VPS53: variants seen among roughly 807,000 people sequenced by gnomAD.
The protein encoded by VPS53 is vacuolar protein sorting-associated protein 53 homolog.
Under a neutral mutation model 107.0 loss-of-function variants are expected in VPS53, and 70 were observed. The ratio of observed to expected loss-of-function variants is 0.65; its 90% CI spans 0.54 to 0.80. VPS53 has a LOEUF of 0.80. Among genes scored for constraint, VPS53 ranks in the 30% least tolerant of loss-of-function variants. The pLI is 0.00. For missense variants in VPS53, 917 were observed against 1,049.4 expected (o/e 0.87, Z 1.74); for synonymous variants, 409 against 393.3 (o/e 1.04, Z -0.47).
intron 4 of VPS53, among the ~76,000 whole-genome samples, chr17:673,347 A>G (rs1017758195): frequency 2.0e-5 from 3 of 152,168 alleles, no homozygotes; most frequent in Non-Finnish European, 4.4e-5. Flanking sequence ...AGCTGTTGCT[A>G]TGGAAACGAG....
At chr17:576,658 T>C (rs1446748836) in intron 13 of VPS53, among the ~76,000 whole-genome samples, 1 of 150,938 alleles carries the variant, frequency 6.6e-6, no homozygotes, top group Non-Finnish European at 1.5e-5. Flanking sequence ...TCTAATGCGT[T>C]CCCAGAAAAA....
intron 10 of VPS53, among the ~76,000 whole-genome samples, chr17:625,177 T>C (rs904514264): frequency 1.3e-5 from 2 of 151,838 alleles, no homozygotes; most frequent in Admixed American, 6.6e-5. Context: ...TTTGTAGAGA[T>C]GGGGTTTTGC....
intron 11 of VPS53, among the ~76,000 whole-genome samples, chr17:619,394 C>T (rs1453708321): frequency 2.8e-5 from 4 of 143,980 alleles, no homozygotes; most frequent in African/African-American, 1.0e-4. Context: ...GCTAATATTT[C>T]CCGGGTAGCT....
intron 2 of VPS53, among the ~76,000 whole-genome samples, chr17:704,201 C>T (rs575369457): frequency 3.9e-5 from 6 of 152,122 alleles, no homozygotes; most frequent in African/African-American, 4.8e-5. Context: ...TAGACCACTG[C>T]GACCAAACCT....
intron 12 of VPS53, among the ~76,000 whole-genome samples, chr17:600,698 G>A (rs1490050862): frequency 1.3e-5 from 2 of 152,212 alleles, no homozygotes; most frequent in African/African-American, 4.8e-5. Context: ...TCTAGTTTCT[G>A]ACATTGAGAC....
chr17:638,511 G>A (rs1970289461), intron 7 of VPS53, among the ~76,000 whole-genome samples: 1 of 152,162 alleles, frequency 6.6e-6, no homozygotes, highest in African/African-American at 2.4e-5. Flanking sequence ...TTCCTAGCAT[G>A]GATGGTCTTT....
At chr17:667,494 T>TG (rs372374469) in intron 4 of VPS53, among the ~76,000 whole-genome samples, 20 of 100,686 alleles carry the variant, frequency 2.0e-4, no homozygotes, top group Non-Finnish European at 2.8e-4. Context: ...CATAATGTTC[T>TG]GGGGGGGGCA....
At chr17:647,590 C>T (rs1970761011) in intron 7 of VPS53, among the ~76,000 whole-genome samples, 2 of 152,144 alleles carry the variant, frequency 1.3e-5, no homozygotes, top group South Asian at 2.1e-4. Flanking sequence ...TTTCTTGCAG[C>T]TCATAAAGTC....
At chr17:567,953 C>A (rs1051563383) in intron 13 of VPS53, among the ~76,000 whole-genome samples, 1 of 151,924 alleles carries the variant, frequency 6.6e-6, no homozygotes, top group African/African-American at 2.4e-5. Flanking sequence ...CGAAATACTG[C>A]TGGGAGTTCC....
intron 2 of VPS53, among the ~76,000 whole-genome samples, chr17:707,938 A>G (rs1973482000): frequency 6.6e-6 from 1 of 151,934 alleles, no homozygotes; most frequent in Non-Finnish European, 1.5e-5. Context: ...TAGAGGACAG[A>G]GATCCTCCAG....
intron 4 of VPS53, among the ~76,000 whole-genome samples, chr17:671,363 G>C (rs540719888): frequency 7.1e-6 from 1 of 139,998 alleles, no homozygotes; most frequent in Non-Finnish European, 1.6e-5. Context: ...AGAAAGAAAA[G>C]AAAGAAAAGA....
At position 547,068 on chromosome 17, in the gene VPS53, G is replaced by C. The variant is rs139842255; in HGVS notation, c.1866+4804C>G. On this transcript the variant is annotated intron_variant, in intron 17 of 21. Transcript: ENST00000437048. ...ATTTTTGTATTTTTATTAGAGACAG[G>C]GTTTCGCCATGTTGGCCAGGCTGGT... Among the ~76,000 whole-genome samples the C allele has an allele frequency of 8.9e-3, 1,347 of 152,048 alleles. 24 individuals are homozygous for C. Among genetic ancestry groups the C allele is most frequent in the African/African-American group, 0.031 (1,303 of 41,462 alleles).
chr17:687,435 G>GC (rs1972626352), intron 4 of VPS53, among the ~76,000 whole-genome samples: 1 of 151,932 alleles, frequency 6.6e-6, no homozygotes, highest in South Asian at 2.1e-4. Flanking sequence ...AATTAGCCGG[G>GC]CGTGGTGGCA....
At chr17:713,002 C>T (rs992634304) in intron 1 of VPS53, among the ~76,000 whole-genome samples, 2 of 152,114 alleles carry the variant, frequency 1.3e-5, no homozygotes, top group African/African-American at 4.8e-5. Context: ...CGTTCTCAGG[C>T]TAGGACAAAG....
intron 12 of VPS53, among the ~76,000 whole-genome samples, chr17:587,553 C>G (rs1967383472): frequency 6.6e-6 from 1 of 152,104 alleles, no homozygotes; most frequent in African/African-American, 2.4e-5. Context: ...AGCGCTGGTT[C>G]CCAGGCTGTT....
At position 657,503 on chromosome 17, in the gene VPS53, T is replaced by A. The variant is rs1971241644; in HGVS notation, c.373-1550A>T. ...TCAATTTATCCAGCATCCAATGCTT[T>A]GGAGCTGCTACCCGCTTCAGATGCT... On this transcript the variant is annotated intron_variant, in intron 5 of 21. Coordinates refer to ENST00000437048, the MANE Select transcript of VPS53 (RefSeq NM_001128159.3). 4 of 1,486,994 alleles carry A rather than the reference T, an allele frequency of 2.7e-6. No homozygotes were observed. In the East Asian group the frequency reaches 9.1e-5, roughly 34 times the overall value. 92.1% of individuals were successfully genotyped at this position (1,486,994 alleles called of 1,614,324 possible).
chr17:604,763 T>C (rs1252984760), intron 11 of VPS53, among the ~76,000 whole-genome samples: 4 of 151,554 alleles, frequency 2.6e-5, no homozygotes, highest in African/African-American at 9.7e-5. Context: ...ATGAGGGGAG[T>C]TGTGGACATC....
intron 4 of VPS53, among the ~76,000 whole-genome samples, chr17:688,600 C>T (rs984360317): frequency 2.0e-5 from 3 of 152,158 alleles, no homozygotes; most frequent in African/African-American, 4.8e-5. Flanking sequence ...TCAACTACAA[C>T]CAGTAGCACT....
chr17:537,362 T>A (rs1416071531), intron 17 of VPS53, 186 bp from the exon 18 acceptor site: 1 of 649,100 alleles, frequency 1.5e-6, no homozygotes, highest in Non-Finnish European at 2.6e-6. Flanking sequence ...AATGCGAGTG[T>A]GCCCAGCGGA....
Sources: gnomAD v4.1 joint callset for allele counts (sites outside exome capture counted in the v4.1 genomes callset) on GRCh38, gnomAD v4.1.1 for gene constraint, MANE v1.5 for transcripts, NCBI Gene and HGNC (gene_info 2026-07-23, HGNC 2026-07-21) for gene names.